PFAS: variants seen among roughly 807,000 people sequenced by gnomAD.
PFAS encodes FGAM synthase.
In PFAS, 97 loss-of-function variants were observed where a neutral mutation model predicts 140.6. The observed-to-expected ratio is 0.69, with a 90% CI of 0.59 to 0.82. The LOEUF (loss-of-function observed/expected upper bound fraction) is 0.82. Ranked by LOEUF, PFAS falls within the 40% of genes least tolerant of loss-of-function variation. The probability of loss-of-function intolerance (pLI) is 0.00; values close to 1 mark genes in which losing one functional copy is unlikely to be tolerated. For synonymous variants in PFAS, 679 were observed against 718.8 expected, an observed-to-expected ratio of 0.94 and a Z score of 0.88; for missense variants, 1,656 against 1,780.2, an observed-to-expected ratio of 0.93 and a Z score of 1.26.
intron 11 of PFAS, among the ~76,000 whole-genome samples, chr17:8,259,448 C>A (rs188354820): frequency 6.6e-6 from 1 of 151,588 alleles, no homozygotes; most frequent in East Asian, 2.0e-4. Flanking sequence ...AATAAACTTG[C>A]TTTATATAAG....
chr17:8,250,052 C>G (rs1989093180), intron 1 of PFAS, among the ~76,000 whole-genome samples: 1 of 152,050 alleles, frequency 6.6e-6, no homozygotes, highest in Admixed American at 6.6e-5. Flanking sequence ...GGCGAATCAC[C>G]AGAAATCTAA....
chr17:8,250,632 T>C (rs1409441597), intron 1 of PFAS, among the ~76,000 whole-genome samples: 1 of 151,926 alleles, frequency 6.6e-6, no homozygotes, highest in Non-Finnish European at 1.5e-5. Flanking sequence ...ATTGGATAGG[T>C]AGTTTGGGAT....
At position 8,265,586 on chromosome 17, in the gene PFAS, G is replaced by A. The variant is rs780879686; in HGVS notation, c.2492G>A (p.Cys831Tyr). 3 of 1,614,158 alleles carry A rather than the reference G, an allele frequency of 1.9e-6. No individual in the cohort carries two copies. Among genetic ancestry groups the A allele is most frequent in the Non-Finnish European group, 2.5e-6 (3 of 1,179,992 alleles). ...GSLVISAYAV[C>Y]PDITATVTPD... ...CTGGTCATCTCAGCCTATGCCGTCT[G>A]CCCAGACATCACAGCCACTGTGACC... Residue 831 changes from cysteine to tyrosine, a missense_variant, in exon 20 of 28, where the codon TGC becomes TAC. By Grantham distance (194) the Cys-to-Tyr change is radical. Around this residue, in one of 2 missense-constraint regions of PFAS, gnomAD observed 883 missense variants for 1,023.0 expected, o/e 0.86. Coordinates refer to ENST00000314666, the MANE Select transcript of PFAS (RefSeq NM_012393.3).
At chr17:8,257,304 C>A (rs1041038967) in intron 9 of PFAS, among the ~76,000 whole-genome samples, 1 of 152,184 alleles carries the variant, frequency 6.6e-6, no homozygotes, top group Non-Finnish European at 1.5e-5. Flanking sequence ...CGCCTGTAAT[C>A]CCAGCACTTT....
Position 8,268,530 on chromosome 17 carries a change from T to C in PFAS, c.3383-3T>C. On this transcript the variant is annotated splice_region_variant and splice_polypyrimidine_tract_variant and intron_variant, in intron 26 of 27. Coordinates refer to ENST00000314666, the MANE Select transcript of PFAS (RefSeq NM_012393.3). ...TCACCCTGACTTCCCTATTCCCTGC[T>C]AGGGTGGGCAGCTGCTGTGACCTTT... 6.2e-7 allele frequency: 1 copy of C among 1,610,198 alleles called. No individual in the cohort carries two copies. Among genetic ancestry groups the C allele is most frequent in the Non-Finnish European group, 8.5e-7 (1 of 1,178,462 alleles).
intron 15 of PFAS, 87 bp from the exon 16 acceptor site, chr17:8,264,125 A>G (rs759337543): frequency 1.3e-6 from 2 of 1,567,666 alleles, no homozygotes; most frequent in East Asian, 2.2e-5. Flanking sequence ...AGGAGTGGAA[A>G]GCACATTTGT....
chr17:8,257,929 G>T lies in PFAS; in HGVS notation c.1198G>T (p.Val400Leu). The T allele has an allele frequency of 1.9e-6, 3 of 1,614,212 alleles. No homozygotes were observed. The highest frequency in any genetic ancestry group is 2.5e-6 in the Non-Finnish European group (3 of 1,180,022). ...CTATGGCAACAAGTTTGGGGAACCAGTGCTGGCTGGTGAGGCTGGGGTGTG... is the reference window on the plus strand; with the variant it reads ...CTATGGCAACAAGTTTGGGGAACCATTGCTGGCTGGTGAGGCTGGGGTGTG... ...SDYGNKFGEPVLAGFARSLGL... is the reference protein window; with the variant it reads ...SDYGNKFGEPLLAGFARSLGL... The change falls in exon 10 of 28, where the codon GTG becomes TTG. Residue 400 changes from valine to leucine, a missense_variant. Physicochemically the swap from Val to Leu is conservative, Grantham distance 32 (BLOSUM62 1). Transcript: ENST00000314666.
chr17:8,253,868 T>TCATCTCTCCAGCAAAGGACA lies in PFAS; in HGVS notation c.-48_-29dup, dbSNP rs1395442155. 1.2e-5 allele frequency: 19 copies of TCATCTCTCCAGCAAAGGACA among 1,530,288 alleles called. No homozygotes were observed. The highest frequency in any genetic ancestry group is 4.2e-5 in the Admixed American group (2 of 47,898). 94.8% of individuals were successfully genotyped at this position (1,530,288 alleles called of 1,614,324 possible). A position where few individuals can be genotyped will look rare whatever the true frequency, so the allele number is the denominator to read the frequency against. ...TAATGTTATTTTTTAGGAACCTAAT[T>TCATCTCTCCAGCAAAGGACA]CATCTCTCCAGCAAAGGACACATCT... On this transcript the variant is annotated 5_prime_UTR_variant, in exon 2 of 28. Coordinates refer to ENST00000314666, the MANE Select transcript of PFAS (RefSeq NM_012393.3).
chr17:8,252,019 A>G (rs1989173859), intron 1 of PFAS, among the ~76,000 whole-genome samples: 1 of 151,802 alleles, frequency 6.6e-6, no homozygotes. Context: ...TATGGGTCGG[A>G]ATGGTGGCGC....
rs546375086 is a variant in PFAS at position 8,264,720 on chromosome 17, G to T, written c.2049+119G>T. On this transcript the variant is annotated intron_variant, in intron 17 of 27. Coordinates refer to ENST00000314666, the MANE Select transcript of PFAS (RefSeq NM_012393.3). ...CCTGGCCCTGCAGGAAGCAGCAGGG[G>T]CAGGGCAGCCACCCTGATGGCCTGG... is the stretch of plus-strand genomic sequence containing the variant. 415 of 1,177,968 alleles carry T rather than the reference G, an allele frequency of 3.5e-4. 2 individuals are homozygous for T. Among genetic ancestry groups the T allele is most frequent in the Non-Finnish European group, 3.0e-5 (25 of 832,160 alleles). 73.0% of individuals were successfully genotyped at this position (1,177,968 alleles called of 1,614,324 possible).
Position 8,255,888 on chromosome 17 carries a change from T to A in PFAS, c.658T>A (p.Phe220Ile). Reference sequence around the variant, plus strand: ...GCGGAACCCGAGCACTGTGGAGGCCTTTGACTTGGCGCAGTCCAATAGGTG... The same window carrying A: ...GCGGAACCCGAGCACTGTGGAGGCCATTGACTTGGCGCAGTCCAATAGGTG... ...LQRNPSTVEA[F>I]DLAQSNSEHS... The change falls in exon 6 of 28, where the codon TTT becomes ATT. Residue 220 changes from phenylalanine to isoleucine, a missense_variant. By Grantham distance (21) the Phe-to-Ile change is conservative. Around this residue, in one of 2 missense-constraint regions of PFAS, gnomAD observed 773 missense variants for 757.3 expected, o/e 1.02. Transcript: ENST00000314666. 1 of 1,613,484 alleles carries A rather than the reference T, an allele frequency of 6.2e-7. No homozygotes were observed. Among genetic ancestry groups the A allele is most frequent in the Non-Finnish European group, 8.5e-7 (1 of 1,179,440 alleles).
chr17:8,267,487 G>A lies in PFAS; in HGVS notation c.3267+24G>A. On this transcript the variant is annotated intron_variant, in intron 25 of 27. Coordinates refer to ENST00000314666, the MANE Select transcript of PFAS (RefSeq NM_012393.3). This position sits in a 1 kb window ranked among gnomAD's most constrained non-coding sequence, Gnocchi z 4.9. ...AGGTGAGCAGGGTAGGGGGCAGCTG[G>A]GGGTGATTGTCCAGCCTCAGCTGCG... 1 of 1,604,158 alleles carries A rather than the reference G, an allele frequency of 6.2e-7. No individual in the cohort carries two copies. Among genetic ancestry groups the A allele is most frequent in the Non-Finnish European group, 8.5e-7 (1 of 1,170,908 alleles).
At position 8,267,593 on chromosome 17, in the gene PFAS, G is replaced by C; in HGVS notation, c.3310G>C (p.Gly1104Arg). ...GCAGGACCTCTGCTCTGGGGCAATT[G>C]GGCTGGACACTTTCCGTGGCGTGGC... Reference protein sequence around the residue: ...TMQDLCSGAIGLDTFRGVAFV... With the variant: ...TMQDLCSGAIRLDTFRGVAFV... The change falls in exon 26 of 28, where the codon GGG (glycine) becomes CGG (arginine). Residue 1104 changes from glycine (G) to arginine (R), a missense_variant. By Grantham distance (125) the Gly-to-Arg change is moderately radical (BLOSUM62 -2). Around this residue, in one of 2 missense-constraint regions of PFAS, gnomAD observed 883 missense variants for 1,023.0 expected, o/e 0.86. Coordinates refer to ENST00000314666, the MANE Select transcript of PFAS (RefSeq NM_012393.3). This position sits in a 1 kb window ranked among gnomAD's most constrained non-coding sequence, Gnocchi z 4.9. 1 of 1,613,626 alleles carries C rather than the reference G, an allele frequency of 6.2e-7. No individual in the cohort carries two copies. Among genetic ancestry groups the C allele is most frequent in the African/African-American group, 1.3e-5 (1 of 75,024 alleles).
Position 8,266,938 on chromosome 17 carries a change from C to CA in PFAS, c.2967+41dup. 2 of 1,598,728 alleles carry CA rather than the reference C, an allele frequency of 1.3e-6. No homozygotes were observed. Among genetic ancestry groups the CA allele is most frequent in the Non-Finnish European group, 1.7e-6 (2 of 1,174,998 alleles). On this transcript the variant is annotated intron_variant, in intron 23 of 27. Coordinates refer to ENST00000314666, the MANE Select transcript of PFAS (RefSeq NM_012393.3). The surrounding 1 kb of genome is among the most constrained non-coding windows in gnomAD (Gnocchi z 5.0). ...GAGAGAGCGGTGTGCAGTGGGCAGT[C>CA]AGAGTGGGGTGGCCGCGGTCCATCC... is the stretch of plus-strand genomic sequence containing the variant.
rs1415764203 is a variant in PFAS, at chr17:8,255,140, G to C, written c.384+8G>C. 6.3e-7 allele frequency: 1 copy of C among 1,590,538 alleles called. No individual in the cohort carries two copies. Among genetic ancestry groups the C allele is most frequent in the Admixed American group, 1.7e-5 (1 of 59,976 alleles). On this transcript the variant is annotated splice_region_variant and intron_variant, in intron 4 of 27. Transcript: ENST00000314666. ...CGGCGCTACCGGCTCTCGGTGAGGT[G>C]ATGGGGAATCAGGAGGAGGAGATGA...
Position 8,254,348 on chromosome 17 carries a change from T to G in PFAS, c.278+47T>G, listed in dbSNP as rs762294639. 6 of 1,606,542 alleles carry G rather than the reference T, an allele frequency of 3.7e-6. No homozygotes were observed. In the South Asian group the frequency reaches 6.6e-5, roughly 18 times the overall value. ...CCCCTTTCTTCTGCTTTCCTTTGCTTCCTCTTGTGATCCTTGGGAGATTTG... is the reference window on the plus strand; with the variant it reads ...CCCCTTTCTTCTGCTTTCCTTTGCTGCCTCTTGTGATCCTTGGGAGATTTG... On this transcript the variant is annotated intron_variant, in intron 3 of 27. Transcript: ENST00000314666.
In PFAS at chr17:8,264,568, C is replaced by T. The variant is rs369217509; in HGVS notation, c.2016C>T (p.Pro672=). The T allele has an allele frequency of 9.4e-5, 151 of 1,613,240 alleles. No individual in the cohort carries two copies. The highest frequency in any genetic ancestry group is 1.5e-4 in the South Asian group (14 of 91,066). ...HQALERVLRL[P]AVASKRYLTN... ...CTCTGGAGAGGGTTCTGAGGCTGCC[C>T]GCCGTGGCCAGCAAGCGCTACCTCA... The change falls in exon 17 of 28, where the codon CCC becomes CCT. Residue 672 remains proline (P), a synonymous_variant. Coordinates refer to ENST00000314666, the MANE Select transcript of PFAS (RefSeq NM_012393.3).
intron 11 of PFAS, among the ~76,000 whole-genome samples, chr17:8,262,239 A>G (rs565132531): frequency 6.6e-5 from 10 of 152,204 alleles, no homozygotes; most frequent in Middle Eastern, 3.4e-3. Flanking sequence ...CTTTCATTGT[A>G]TAGACTTACC....
intron 11 of PFAS, among the ~76,000 whole-genome samples, chr17:8,258,600 G>A (rs1989467531): frequency 6.6e-6 from 1 of 152,106 alleles, no homozygotes; most frequent in African/African-American, 2.4e-5. Context: ...CAGCACTTTG[G>A]GAGACTGAGA....
Sources: allele counts gnomAD v4.1 joint callset (sites outside exome capture counted in the v4.1 genomes callset), GRCh38; gene constraint gnomAD v4.1.1; regional missense constraint gnomAD v4.1.1; non-coding constraint Gnocchi (gnomAD v3.1); transcripts MANE v1.5; gene names NCBI Gene and HGNC (gene_info 2026-07-23, HGNC 2026-07-21).